Variants in LRRC3B observed in about 807,000 individuals in gnomAD.
LRRC3B encodes the protein leucine-rich repeat-containing protein 3B.
LRRC3B carries 2 observed loss-of-function variants against 12.8 expected under a neutral mutation model. The observed-to-expected ratio is 0.16, with a 90% CI of 0.06 to 0.49. The LOEUF (loss-of-function observed/expected upper bound fraction) is 0.49, where lower values mean the gene tolerates loss of function less well. LRRC3B is among the 20% of genes least tolerant of loss of function. The pLI is 0.96. For synonymous variants in LRRC3B, 132 were observed against 122.0 expected (o/e 1.08, Z -0.54); for missense variants, 189 against 319.4 (o/e 0.59, Z 3.11).
intron 1 of LRRC3B, among the ~76,000 whole-genome samples, chr3:26,708,978 T>G (rs1214090968): frequency 6.6e-6 from 1 of 152,194 alleles, no homozygotes; most frequent in African/African-American, 2.4e-5. Context: ...CAATATTTTG[T>G]TGGAATGCAT....
At chr3:26,684,100 C>T (rs955286392) in intron 1 of LRRC3B, among the ~76,000 whole-genome samples, 9 of 152,152 alleles carry the variant, frequency 5.9e-5, no homozygotes, top group African/African-American at 1.2e-4. Context: ...GTCAGGATCA[C>T]GGTTGGATGA....
rs1000471156 is a variant in LRRC3B at position 26,646,301 on chromosome 3, A to G, written c.-161+23064A>G. ...ATTATTATCTGCTTTTACTAATTCA[A>G]TATGACAGGTTTCTAAAGCAATTTG... On this transcript the variant is annotated intron_variant, in intron 1 of 1. Transcript: ENST00000396641. Among the ~76,000 whole-genome samples, 4 of 152,194 alleles carry G rather than the reference A, an allele frequency of 2.6e-5. No homozygotes were observed. In the East Asian group the frequency reaches 5.8e-4, roughly 22 times the overall value.
chr3:26,637,596 T>C (rs1157667618), intron 1 of LRRC3B, among the ~76,000 whole-genome samples: 1 of 152,234 alleles, frequency 6.6e-6, no homozygotes, highest in African/African-American at 2.4e-5. Context: ...CAGCCATCTC[T>C]AGTAATACGT....
At chr3:26,693,146 C>T (rs919074050) in intron 1 of LRRC3B, among the ~76,000 whole-genome samples, 20 of 151,432 alleles carry the variant, frequency 1.3e-4, no homozygotes, top group Admixed American at 1.2e-3. Flanking sequence ...CTGGCTAACA[C>T]GGTGAAACCC....
At chr3:26,658,392 A>G (rs1481863212) in intron 1 of LRRC3B, among the ~76,000 whole-genome samples, 6 of 152,230 alleles carry the variant, frequency 3.9e-5, no homozygotes, top group African/African-American at 1.4e-4. Context: ...ATTTGCAAAT[A>G]AAGTACCTGC....
At chr3:26,669,900 G>T (rs968334603) in intron 1 of LRRC3B, among the ~76,000 whole-genome samples, 9 of 152,142 alleles carry the variant, frequency 5.9e-5, no homozygotes, top group African/African-American at 2.2e-4. Flanking sequence ...ATGGGGACTG[G>T]CTCCCAGGTG....
chr3:26,634,731 G>C (rs1204449810), intron 1 of LRRC3B, among the ~76,000 whole-genome samples: 2 of 152,158 alleles, frequency 1.3e-5, no homozygotes, highest in Admixed American at 1.3e-4. Flanking sequence ...GGTTGGCTTT[G>C]ATCATAAAGG....
At chr3:26,660,609 C>T (rs1045438539) in intron 1 of LRRC3B, among the ~76,000 whole-genome samples, 9 of 152,210 alleles carry the variant, frequency 5.9e-5, no homozygotes, top group African/African-American at 2.2e-4. Context: ...GTAGTCAGTA[C>T]GTGCCTGTGT....
intron 1 of LRRC3B, among the ~76,000 whole-genome samples, chr3:26,676,769 C>G (rs1378973754): frequency 2.6e-5 from 4 of 152,142 alleles, no homozygotes; most frequent in South Asian, 4.1e-4. Context: ...AATCATGCTG[C>G]TATAAAGACA....
intron 1 of LRRC3B, among the ~76,000 whole-genome samples, chr3:26,665,185 G>C (rs1699574238): frequency 6.6e-6 from 1 of 151,990 alleles, no homozygotes; most frequent in African/African-American, 2.4e-5. Context: ...TCTGAAGACT[G>C]GGCCCTGACT....
At chr3:26,705,436 G>T (rs1257032304) in intron 1 of LRRC3B, among the ~76,000 whole-genome samples, 1 of 151,922 alleles carries the variant, frequency 6.6e-6, no homozygotes, top group East Asian at 1.9e-4. Flanking sequence ...TGCAGAGGGG[G>T]AGTTAGGAGG....
intron 1 of LRRC3B, among the ~76,000 whole-genome samples, chr3:26,699,360 T>C (rs190761946): frequency 9.8e-4 from 149 of 152,240 alleles, no homozygotes; most frequent in African/African-American, 3.3e-3. Context: ...CTTGTAACTG[T>C]GAGACCAATG....
chr3:26,648,085 GT>G (rs1204239906), intron 1 of LRRC3B, among the ~76,000 whole-genome samples: 79 of 145,938 alleles, frequency 5.4e-4, no homozygotes, highest in Non-Finnish European at 7.7e-4. Flanking sequence ...AAAGTTTGGG[GT>G]TTTTTTTTTT....
chr3:26,691,105 GTATATATATATATATA>G (rs1553605090), intron 1 of LRRC3B, among the ~76,000 whole-genome samples: 5 of 84,832 alleles, frequency 5.9e-5, no homozygotes, highest in Admixed American at 1.5e-4. Flanking sequence ...GTGTGTGTGT[GTATATATATATATATA>G]TATATATATA....
chr3:26,700,874 G>A (rs976937261), intron 1 of LRRC3B, among the ~76,000 whole-genome samples: 7 of 152,094 alleles, frequency 4.6e-5, no homozygotes, highest in Admixed American at 1.3e-4. Context: ...TTGTTCATCC[G>A]TACAAGGGTT....
At position 26,706,485 on chromosome 3, in the gene LRRC3B, G is replaced by A. The variant is rs1700590747; in HGVS notation, c.-160-3028G>A. 2.0e-5 allele frequency among the ~76,000 whole-genome samples: 3 copies of A among 152,092 alleles called. 1 individual carries two copies. The South Asian group carries it at 6.2e-4, about 32-fold the overall frequency. On this transcript the variant is annotated intron_variant, in intron 1 of 1. Transcript: ENST00000396641. The stretch of plus-strand genomic sequence containing the variant: ...CATAATAGAAAATGAAACAGTTCAA[G>A]TCCAACTCCTCTGAAAGCAAGGCGT...
intron 1 of LRRC3B, among the ~76,000 whole-genome samples, chr3:26,676,593 G>T (rs537387875): frequency 1.3e-5 from 2 of 152,264 alleles, no homozygotes; most frequent in East Asian, 3.9e-4. Flanking sequence ...GAAACAACAG[G>T]TGCTGGAGAG....
At chr3:26,623,703 A>G (rs1698558792) in intron 1 of LRRC3B, 1 of 152,272 alleles carries the variant, frequency 6.6e-6, no homozygotes, top group South Asian at 2.1e-4. Context: ...AGAAGGTGAA[A>G]TAAGAGAGGT....
chr3:26,654,101 A>G (rs1237546170), intron 1 of LRRC3B, among the ~76,000 whole-genome samples: 1 of 152,192 alleles, frequency 6.6e-6, no homozygotes, highest in African/African-American at 2.4e-5. Flanking sequence ...CTGCAAAATA[A>G]TGGAATAGAA....
Sources: gnomAD v4.1 joint callset for allele counts (sites outside exome capture counted in the v4.1 genomes callset) on GRCh38, gnomAD v4.1.1 for gene constraint, MANE v1.5 for transcripts, NCBI Gene and HGNC (gene_info 2026-07-23, HGNC 2026-07-21) for gene names.